Variants in C11orf98 observed in about 807,000 individuals in gnomAD.
C11orf98 encodes the protein 28S rRNA/ribosome and sororin micro-cofactor.
Under a neutral mutation model 10.9 loss-of-function variants are expected in C11orf98, and 7 were observed. The ratio of observed to expected loss-of-function variants is 0.64; its 90% CI spans 0.37 to 1.21. The LOEUF is 1.21. Ranked by LOEUF, C11orf98 falls within the 50% of genes most tolerant of loss-of-function variation. The probability of loss-of-function intolerance (pLI) is 0.02; values close to 1 mark genes in which losing one functional copy is unlikely to be tolerated. For missense variants in C11orf98, 181 were observed against 153.7 expected, an observed-to-expected ratio of 1.18 and a Z score of -0.94; for synonymous variants, 70 against 57.2, an observed-to-expected ratio of 1.22 and a Z score of -1.01.
chr11:62,664,082 G>GAAAAAAAAAAA (rs71056540), intron 2 of C11orf98, among the ~76,000 whole-genome samples: 2 of 65,946 alleles, frequency 3.0e-5, no homozygotes, highest in Non-Finnish European at 2.8e-5. Flanking sequence ...CAAAAAAGAG[G>GAAAAAAAAAAA]AAAAAAAAAA....
At position 62,664,885 on chromosome 11, in the gene C11orf98, TG is replaced by T; in HGVS notation, c.127del (p.Gln43LysfsTer3). The T allele has an allele frequency of 6.3e-7, 1 of 1,587,484 alleles. No homozygotes were observed. The highest frequency in any genetic ancestry group is 8.6e-7 in the Non-Finnish European group (1 of 1,166,988). On this transcript the variant is annotated frameshift_variant, in exon 2 of 4. Transcript: ENST00000524958. LOFTEE classifies it high-confidence loss of function. Reference protein sequence around the residue: ...RHRVVGAVIDQGLITRHHLKK... With the variant: ...RHRVVGAVIDXGLITRHHLKK... ...GAGGTGGTGCCGCGTGATCAGCCCT[TG>T]GTCTATCACAGCCCCGACCACCCGG...
intron 2 of C11orf98, 46 bp from the exon 3 acceptor site, chr11:62,663,379 A>G (rs772978396): frequency 1.3e-6 from 2 of 1,572,084 alleles, no homozygotes; most frequent in East Asian, 2.2e-5. Context: ...ACCTGAACCA[A>G]CTGAGGTCAC....
At chr11:62,663,466 G>A (rs1273371657) in intron 2 of C11orf98, 133 bp from the exon 3 acceptor site, 39 of 853,852 alleles carry the variant, frequency 4.6e-5, no homozygotes, top group Non-Finnish European at 6.5e-5. Flanking sequence ...CAGCACTTTG[G>A]GAGGCCGAGG....
chr11:62,663,154 C>T lies in C11orf98; in HGVS notation c.268G>A (p.Ala90Thr). 3 of 1,614,070 alleles carry T rather than the reference C, an allele frequency of 1.9e-6. No homozygotes were observed. The highest frequency in any genetic ancestry group is 2.5e-6 in the Non-Finnish European group (3 of 1,179,938). The change falls in exon 4 of 4, where the codon GCC (alanine) becomes ACC (threonine). Residue 90 changes from alanine (A) to threonine (T), a missense_variant. By Grantham distance (58) the Ala-to-Thr change is moderately conservative (BLOSUM62 0). Transcript: ENST00000524958. ...CTAGTCCTGGCTGGCTTTGAAGGGG[C>T]TTCCACTGAGTAAAGGGAAGAAGGA... is the stretch of plus-strand genomic sequence containing the variant. Reference protein sequence around the residue: ...QKEKTAMEVEAPSKPARTSEP... With the variant: ...QKEKTAMEVETPSKPARTSEP...
Position 62,663,000 on chromosome 11 carries a change from C to T in C11orf98, c.*50G>A. ...TTTTGTCAAAGTCCTCTGAAACAAC[C>T]ACTGAGTCTGAAGGCTGGCTCCAGT... On this transcript the variant is annotated 3_prime_UTR_variant, in exon 4 of 4. Coordinates refer to ENST00000524958, the MANE Select transcript of C11orf98 (RefSeq NM_001286086.2). 7.1e-7 allele frequency: 1 copy of T among 1,406,124 alleles called. No individual in the cohort carries two copies. Among genetic ancestry groups the T allele is most frequent in the Non-Finnish European group, 9.9e-7 (1 of 1,012,508 alleles). The allele number at this position is 1,406,124 out of a possible 1,614,324, so 87.1% of individuals were successfully genotyped here.
At chr11:62,663,400 C>T (rs370759736) in intron 2 of C11orf98, 67 bp from the exon 3 acceptor site, 1 of 1,508,598 alleles carries the variant, frequency 6.6e-7, no homozygotes, top group African/African-American at 1.4e-5. Context: ...ACAAATAGTT[C>T]TGGCTATAGA....
At position 62,664,809 on chromosome 11, in the gene C11orf98, T is replaced by C. The variant is rs1008867839; in HGVS notation, c.164+40A>G. On this transcript the variant is annotated intron_variant, in intron 2 of 3. Coordinates refer to ENST00000524958, the MANE Select transcript of C11orf98 (RefSeq NM_001286086.2). ...GAGCTCTGCAGGGAGGAAGGAAGAC[T>C]CGGTGGGGACGACCAACAGGAAGAG... 4 of 1,550,418 alleles carry C rather than the reference T, an allele frequency of 2.6e-6. No homozygotes were observed. The African/African-American group carries it at 4.1e-5, about 16-fold the overall frequency.
In C11orf98 at chr11:62,664,980, G is replaced by T. The variant is rs780030744; in HGVS notation, c.40-7C>A. The stretch of plus-strand genomic sequence containing the variant: ...ACAGCTTCTTCTTCAGCTCCTGCCG[G>T]GGAGAAAGATGCGAATCAGATGGAG... On this transcript the variant is annotated splice_region_variant and splice_polypyrimidine_tract_variant and intron_variant, in intron 1 of 3. Coordinates refer to ENST00000524958, the MANE Select transcript of C11orf98 (RefSeq NM_001286086.2). 4 of 1,610,266 alleles carry T rather than the reference G, an allele frequency of 2.5e-6. No homozygotes were observed. In the South Asian group the frequency reaches 4.4e-5, roughly 18 times the overall value.
chr11:62,665,069 G>A (rs1158643377), intron 1 of C11orf98, 62 bp downstream of exon 1: 10 of 1,551,194 alleles, frequency 6.4e-6, no homozygotes, highest in South Asian at 1.1e-5. Flanking sequence ...ATCCCATCTC[G>A]TGCGAGATAA....
intron 2 of C11orf98, among the ~76,000 whole-genome samples, chr11:62,664,091 A>G (rs1218382942): frequency 6.6e-6 from 1 of 150,400 alleles, no homozygotes; most frequent in Non-Finnish European, 1.5e-5. Flanking sequence ...GGAAAAAAAA[A>G]AAAAAAAAAA....
intron 1 of C11orf98, 26 bp downstream of exon 1, chr11:62,665,105 C>CA (rs1944758347): frequency 3.7e-6 from 5 of 1,365,154 alleles, no homozygotes; most frequent in African/African-American, 1.4e-5. Context: ...CTTGAGGAAA[C>CA]AAAGTCGCGG....
rs775269609 is a variant in C11orf98 at position 62,663,098 on chromosome 11, T to G, written c.324A>C (p.Thr108=). 12 of 1,613,450 alleles carry G rather than the reference T, an allele frequency of 7.4e-6. No homozygotes were observed. Among genetic ancestry groups the G allele is most frequent in the Admixed American group, 1.7e-5 (1 of 59,996 alleles). The change falls in exon 4 of 4, where the codon ACA becomes ACC. Residue 108 remains threonine, a synonymous_variant. Coordinates refer to ENST00000524958, the MANE Select transcript of C11orf98 (RefSeq NM_001286086.2). ...SEPQLKRQKK[T]KAPQDVEMKD... The stretch of plus-strand genomic sequence containing the variant: ...TCATTTCTACATCCTGGGGGGCTTT[T>G]GTCTTCTTTTGCCTTTTGAGCTGTG...
chr11:62,663,642 C>T (rs1330198894), intron 2 of C11orf98, among the ~76,000 whole-genome samples: 5 of 147,162 alleles, frequency 3.4e-5, no homozygotes, highest in East Asian at 2.0e-4. Flanking sequence ...TGCAGTGAGC[C>T]GAGATCGCGC....
chr11:62,663,302 CTGACAGTGTAA>C lies in C11orf98; in HGVS notation c.185_195del (p.Ile62ArgfsTer33), dbSNP rs758431210. 9.9e-6 allele frequency: 16 copies of C among 1,614,072 alleles called. No individual in the cohort carries two copies. Among genetic ancestry groups the C allele is most frequent in the African/African-American group, 1.3e-5 (1 of 74,928 alleles). On this transcript the variant is annotated frameshift_variant, in exon 3 of 4. Transcript: ENST00000524958. LOFTEE classifies it high-confidence loss of function. The stretch of plus-strand genomic sequence containing the variant: ...TGGAGGAGTTTTCTGCGCTTCTTCC[CTGACAGTGTAA>C]TGTTGGCACGTGCACTGGACCTGAT...
chr11:62,664,718 C>T (rs1264648188), intron 2 of C11orf98, 131 bp downstream of exon 2: 3 of 1,224,714 alleles, frequency 2.4e-6, no homozygotes, highest in Non-Finnish European at 3.4e-6. Context: ...TAGGAACTAA[C>T]AGCCGACAGA....
intron 2 of C11orf98, 144 bp from the exon 3 acceptor site, chr11:62,663,477 C>G: frequency 1.3e-6 from 1 of 755,222 alleles, no homozygotes; most frequent in African/African-American, 1.8e-5. Flanking sequence ...GAGGCCGAGG[C>G]GGCTGGATCA....
In C11orf98 at chr11:62,663,227, C is replaced by T; in HGVS notation, c.262+9G>A. 6.2e-7 allele frequency: 1 copy of T among 1,613,976 alleles called. No homozygotes were observed. Among genetic ancestry groups the T allele is most frequent in the Non-Finnish European group, 8.5e-7 (1 of 1,180,012 alleles). ...GGATTCCCCTCACCCACCTCTGTCC[C>T]AGCCTCACCTTCCATGGCTGTCTTC... On this transcript the variant is annotated intron_variant, in intron 3 of 3. Transcript: ENST00000524958.
chr11:62,665,170 A>G lies in C11orf98; in HGVS notation c.-1T>C, dbSNP rs1565125806. The G allele has an allele frequency of 1.2e-6, 1 of 867,342 alleles. No individual in the cohort carries two copies. Among genetic ancestry groups the G allele is most frequent in the Non-Finnish European group, 1.9e-6 (1 of 535,550 alleles). The allele number at this position is 867,342 out of a possible 1,614,324, so 53.7% of individuals were successfully genotyped here. Reference sequence around the variant, plus strand: ...TGATCTTTCCCCCCGGAGCTCCCATAGTCGCGATTCCACTCCAGTTCACGG... The same window carrying G: ...TGATCTTTCCCCCCGGAGCTCCCATGGTCGCGATTCCACTCCAGTTCACGG... On this transcript the variant is annotated 5_prime_UTR_variant, in exon 1 of 4. Transcript: ENST00000524958.
intron 2 of C11orf98, among the ~76,000 whole-genome samples, chr11:62,663,847 C>A (rs1429479832): frequency 2.6e-5 from 4 of 151,296 alleles, no homozygotes; most frequent in East Asian, 3.9e-4. Flanking sequence ...CTGAGGTGGG[C>A]GGATCACCTG....
Sources: gnomAD v4.1 joint callset for allele counts (sites outside exome capture counted in the v4.1 genomes callset) on GRCh38, gnomAD v4.1.1 for gene constraint, MANE v1.5 for transcripts, NCBI Gene and HGNC (gene_info 2026-07-23, HGNC 2026-07-21) for gene names.